Variants in PGBD5 observed in about 807,000 individuals in gnomAD.
The protein encoded by PGBD5 is piggyBac transposable element derived 5.
A neutral mutation model predicts 47.9 loss-of-function variants in PGBD5; 14 were observed. The ratio of observed to expected loss-of-function variants is 0.29; its 90% CI spans 0.19 to 0.46. The LOEUF (loss-of-function observed/expected upper bound fraction) is 0.46. Among genes scored for constraint, PGBD5 ranks in the 20% least tolerant of loss-of-function variants. PGBD5 has a pLI of 1.00. For synonymous variants in PGBD5, 316 were observed against 306.3 expected, an observed-to-expected ratio of 1.03 and a Z score of -0.33; for missense variants, 635 against 716.0, an observed-to-expected ratio of 0.89 and a Z score of 1.29.
chr1:230,342,066 C>A (rs1053840106), intron 3 of PGBD5, among the ~76,000 whole-genome samples: 3 of 152,124 alleles, frequency 2.0e-5, no homozygotes, highest in Non-Finnish European at 4.4e-5. Context: ...ACACATACAG[C>A]ACATGGGATT....
chr1:230,382,496 G>A (rs757316293), intron 1 of PGBD5, among the ~76,000 whole-genome samples: 3 of 152,158 alleles, frequency 2.0e-5, no homozygotes, highest in Non-Finnish European at 4.4e-5. Context: ...TTTGTATGCT[G>A]GCCACCCCTG....
At chr1:230,415,674 T>C (rs556868387) in intron 1 of PGBD5, among the ~76,000 whole-genome samples, 19 of 152,320 alleles carry the variant, frequency 1.2e-4, no homozygotes, top group East Asian at 3.9e-4. Context: ...TCTGCTTACG[T>C]TGCACTGTTC....
intron 1 of PGBD5, among the ~76,000 whole-genome samples, chr1:230,369,120 C>A (rs1312610440): frequency 6.6e-6 from 1 of 152,236 alleles, no homozygotes. Context: ...GACTGCAAGG[C>A]CCCAAAGGTT....
intron 3 of PGBD5, among the ~76,000 whole-genome samples, chr1:230,343,420 TTTA>T (rs1667435677): frequency 6.6e-6 from 1 of 152,234 alleles, no homozygotes; most frequent in Non-Finnish European, 1.5e-5. Context: ...TAATAAATAC[TTTA>T]TTGTCATCTT....
At chr1:230,362,991 C>T (rs757613178) in intron 1 of PGBD5, among the ~76,000 whole-genome samples, 20 of 152,108 alleles carry the variant, frequency 1.3e-4, no homozygotes, top group Non-Finnish European at 2.5e-4. Flanking sequence ...GATGCCCACG[C>T]CATCTAGGAA....
At chr1:230,326,111 T>C (rs1400085134) in intron 5 of PGBD5, among the ~76,000 whole-genome samples, 2 of 152,228 alleles carry the variant, frequency 1.3e-5, no homozygotes, top group African/African-American at 4.8e-5. Flanking sequence ...TAATTATTGT[T>C]TGTCAATTTA....
At chr1:230,374,925 GAGCAGGCATGGGGTCC>G (rs529953446) in intron 1 of PGBD5, among the ~76,000 whole-genome samples, 91 of 152,316 alleles carry the variant, frequency 6.0e-4, no homozygotes, top group African/African-American at 2.1e-3. Flanking sequence ...CATGAGGAGA[GAGCAGGCATGGGGTCC>G]AGGCCGTGGC....
At chr1:230,349,075 CAGATTTTAT>C (rs1458522631) in intron 3 of PGBD5, among the ~76,000 whole-genome samples, 1 of 152,218 alleles carries the variant, frequency 6.6e-6, no homozygotes, top group Non-Finnish European at 1.5e-5. Context: ...GTGGATTTTA[CAGATTTTAT>C]AAATTTGGGA....
chr1:230,395,481 CCCT>C (rs1188044118), intron 1 of PGBD5, among the ~76,000 whole-genome samples: 1 of 25,440 alleles, frequency 3.9e-5, no homozygotes, highest in Non-Finnish European at 8.0e-5. Flanking sequence ...CTCCCTCCTC[CCCT>C]CCTCTCCTCA....
intron 3 of PGBD5, among the ~76,000 whole-genome samples, chr1:230,338,831 G>GA (rs200309879): frequency 0.011 from 1,620 of 151,726 alleles, 32 homozygotes; most frequent in African/African-American, 0.036. Flanking sequence ...GAAAAGAAAA[G>GA]AAAAAAAAGC....
intron 4 of PGBD5, among the ~76,000 whole-genome samples, chr1:230,335,944 A>C (rs918049664): frequency 6.6e-6 from 1 of 151,440 alleles, no homozygotes; most frequent in Non-Finnish European, 1.5e-5. Context: ...CAGACACACA[A>C]AGACACAGAG....
intron 1 of PGBD5, among the ~76,000 whole-genome samples, chr1:230,371,582 T>C (rs993226114): frequency 1.3e-5 from 2 of 152,198 alleles, no homozygotes; most frequent in African/African-American, 2.4e-5. Context: ...GTAAACCTGT[T>C]CAACTTGGAC....
intron 1 of PGBD5, among the ~76,000 whole-genome samples, chr1:230,361,618 C>G (rs1667743398): frequency 6.6e-6 from 1 of 152,212 alleles, no homozygotes; most frequent in Non-Finnish European, 1.5e-5. Flanking sequence ...CAGATTCCCT[C>G]TTCTCAGCAG....
intron 3 of PGBD5, among the ~76,000 whole-genome samples, chr1:230,338,907 C>G (rs894651874): frequency 4.6e-5 from 7 of 152,214 alleles, no homozygotes. Context: ...AGCCCGGTTC[C>G]TTTTCTAGGG....
At chr1:230,413,987 T>C (rs1657465072) in intron 1 of PGBD5, among the ~76,000 whole-genome samples, 1 of 152,154 alleles carries the variant, frequency 6.6e-6, no homozygotes, top group Admixed American at 6.5e-5. Flanking sequence ...TCTACTTCCG[T>C]TTCATGTTAA....
intron 1 of PGBD5, among the ~76,000 whole-genome samples, chr1:230,369,368 C>T (rs2795051): frequency 6.6e-6 from 1 of 152,258 alleles, no homozygotes; most frequent in African/African-American, 2.4e-5. Flanking sequence ...TGCTTGCCCT[C>T]TGCTCACCCC....
intron 1 of PGBD5, among the ~76,000 whole-genome samples, chr1:230,374,638 C>T (rs1252733880): frequency 6.6e-6 from 1 of 152,082 alleles, no homozygotes; most frequent in South Asian, 2.1e-4. Flanking sequence ...ATAATTGATA[C>T]CATGAAATAT....
intron 1 of PGBD5, among the ~76,000 whole-genome samples, chr1:230,373,979 GC>G (rs1407621569): frequency 6.6e-6 from 1 of 152,058 alleles, no homozygotes; most frequent in Non-Finnish European, 1.5e-5. Context: ...ACCACGCCTG[GC>G]CACAAGTGAG....
At chr1:230,396,818 G>A (rs951268431) in intron 1 of PGBD5, among the ~76,000 whole-genome samples, 25 of 152,170 alleles carry the variant, frequency 1.6e-4, no homozygotes, top group East Asian at 1.2e-3. Flanking sequence ...ATACACTGGC[G>A]GAGAGGCACC....
Sources: allele counts gnomAD v4.1 joint callset (sites outside exome capture counted in the v4.1 genomes callset), GRCh38; gene constraint gnomAD v4.1.1; transcripts MANE v1.5; gene names NCBI Gene and HGNC (gene_info 2026-07-23, HGNC 2026-07-21).